The following COX10 variants were observed in gnomAD, a reference collection of about 807,000 sequenced individuals.
The protein encoded by COX10 is protoheme IX farnesyltransferase, mitochondrial.
A neutral mutation model predicts 37.3 loss-of-function variants in COX10; 27 were observed. That is an observed-to-expected ratio of 0.72 (90% CI 0.53 to 1.00). The LOEUF (loss-of-function observed/expected upper bound fraction) is 1.00. Among genes scored for constraint, COX10 ranks in the 50% least tolerant of loss-of-function variants. COX10 has a pLI of 0.00. For missense variants in COX10, 475 were observed against 563.2 expected, an observed-to-expected ratio of 0.84 and a Z score of 1.59; for synonymous variants, 222 against 229.1, an observed-to-expected ratio of 0.97 and a Z score of 0.28.
At chr17:14,096,041 C>G (rs1597498731) in intron 3 of COX10, among the ~76,000 whole-genome samples, 1 of 152,190 alleles carries the variant, frequency 6.6e-6, no homozygotes, top group East Asian at 1.9e-4. Context: ...TGAGGGTCTT[C>G]TTGACAGTGA....
chr17:14,179,526 A>G (rs1446164495), intron 5 of COX10, among the ~76,000 whole-genome samples: 2 of 152,220 alleles, frequency 1.3e-5, no homozygotes, highest in Non-Finnish European at 2.9e-5. Context: ...TGCTTAACAG[A>G]CAGCATAAGG....
intron 5 of COX10, among the ~76,000 whole-genome samples, chr17:14,185,823 C>CA (rs1291071134): frequency 6.7e-6 from 1 of 149,294 alleles, no homozygotes; most frequent in Non-Finnish European, 1.5e-5. Context: ...TAAAATGTGA[C>CA]AAAATAGTCC....
chr17:14,124,697 G>C (rs999386460), intron 4 of COX10, among the ~76,000 whole-genome samples: 1 of 152,164 alleles, frequency 6.6e-6, no homozygotes, highest in African/African-American at 2.4e-5. Flanking sequence ...AGATACCTCT[G>C]TGGAGTGTTT....
intron 1 of COX10, among the ~76,000 whole-genome samples, chr17:14,073,600 A>G (rs948267643): frequency 3.3e-5 from 5 of 152,204 alleles, no homozygotes; most frequent in Admixed American, 1.3e-4. Flanking sequence ...GGGAACATGG[A>G]TACCTTAAGG....
chr17:14,107,314 C>T (rs1407880724), intron 4 of COX10, among the ~76,000 whole-genome samples: 1 of 151,924 alleles, frequency 6.6e-6, no homozygotes, highest in African/African-American at 2.4e-5. Context: ...TTTAATTACT[C>T]GTGGATAGCT....
intron 4 of COX10, among the ~76,000 whole-genome samples, chr17:14,118,583 A>C (rs745783373): frequency 3.5e-4 from 53 of 152,178 alleles, no homozygotes; most frequent in Non-Finnish European, 4.9e-4. Context: ...ACTTGATGGC[A>C]GGAGGGTGGC....
chr17:14,191,975 T>G lies in COX10; in HGVS notation c.696-14T>G. The G allele has an allele frequency of 1.1e-5, 17 of 1,613,848 alleles. No homozygotes were observed. Among genetic ancestry groups the G allele is most frequent in the Non-Finnish European group, 1.4e-5 (17 of 1,179,696 alleles). ...TTGGAGATGATCACTCCAGGTTCTC[T>G]GCTCTTTTTCCAGCCCATTGCTAGC... On this transcript the variant is annotated splice_polypyrimidine_tract_variant and intron_variant, in intron 5 of 6. Transcript: ENST00000261643.
chr17:14,071,247 G>A (rs1826816786), intron 1 of COX10, among the ~76,000 whole-genome samples: 1 of 152,072 alleles, frequency 6.6e-6, no homozygotes, highest in Admixed American at 6.5e-5. Flanking sequence ...TCAGCTATAG[G>A]ACAATTCTGC....
chr17:14,155,729 A>T (rs1274091319), intron 4 of COX10, among the ~76,000 whole-genome samples: 1 of 151,702 alleles, frequency 6.6e-6, no homozygotes, highest in Non-Finnish European at 1.5e-5. Context: ...AAAAAAAGAA[A>T]AAAAAAGAAA....
intron 4 of COX10, 31 bp downstream of exon 4, chr17:14,102,273 T>TTTA: frequency 4.3e-6 from 7 of 1,613,090 alleles, no homozygotes; most frequent in African/African-American, 1.3e-5. Context: ...TAAATTATGT[T>TTTA]ATTGTCACTT....
At chr17:14,136,521 A>C (rs1328110491) in intron 4 of COX10, among the ~76,000 whole-genome samples, 2 of 152,052 alleles carry the variant, frequency 1.3e-5, no homozygotes, top group Non-Finnish European at 2.9e-5. Flanking sequence ...CTGATGTTTC[A>C]GGAAATTTCT....
Position 14,069,578 on chromosome 17 carries a change from C to A in COX10, c.-28C>A. 1 of 1,613,708 alleles carries A rather than the reference C, an allele frequency of 6.2e-7. No homozygotes were observed. The highest frequency in any genetic ancestry group is 8.5e-7 in the Non-Finnish European group (1 of 1,179,908). The stretch of plus-strand genomic sequence containing the variant: ...CGTGAGGAGAGAGGACACAGGGATC[C>A]CGGGGAGCGGCCCCAGACTCGTAAA... On this transcript the variant is annotated 5_prime_UTR_variant, in exon 1 of 7. Transcript: ENST00000261643.
At chr17:14,152,221 A>G (rs191805810) in intron 4 of COX10, among the ~76,000 whole-genome samples, 6 of 152,292 alleles carry the variant, frequency 3.9e-5, no homozygotes, top group East Asian at 1.9e-4. Context: ...CGATTGGGCA[A>G]TTTACAAAAG....
chr17:14,143,439 G>A (rs1036008364), intron 4 of COX10, among the ~76,000 whole-genome samples: 16 of 152,200 alleles, frequency 1.1e-4, no homozygotes, highest in African/African-American at 3.4e-4. Context: ...TCAGGATTGT[G>A]GAGAAAATGG....
In COX10 at chr17:14,175,214, T is replaced by A. The variant is rs1436918156; in HGVS notation, c.695+15267T>A. ...CACTATGTTTACCTTTTTTTTTTTT[T>A]AACTCAGAACTAACTGTACACTTGC... On this transcript the variant is annotated intron_variant, in intron 5 of 6. Coordinates refer to ENST00000261643, the MANE Select transcript of COX10 (RefSeq NM_001303.4). Among the ~76,000 whole-genome samples, 27 of 145,506 alleles carry A rather than the reference T, an allele frequency of 1.9e-4. 1 individual carries two copies. The highest frequency in any genetic ancestry group is 6.8e-4 in the African/African-American group (27 of 39,760).
Position 14,208,190 on chromosome 17 carries a change from A to T in COX10, c.*977A>T, listed in dbSNP as rs1906767321. The T allele has an allele frequency of 6.6e-6, 1 of 152,258 alleles. No individual in the cohort carries two copies. The highest frequency in any genetic ancestry group is 2.4e-5 in the African/African-American group (1 of 41,460). The allele number at this position is 152,258 out of a possible 1,614,324, so 9.4% of individuals were successfully genotyped here. A position where few individuals can be genotyped will look rare whatever the true frequency, so the allele number is the denominator to read the frequency against. Reference sequence around the variant, plus strand: ...CCATCCTGATATCTCCTGAATTCAGAAATTAGCCTCCACATGTGCAATGGC... The same window carrying T: ...CCATCCTGATATCTCCTGAATTCAGTAATTAGCCTCCACATGTGCAATGGC... On this transcript the variant is annotated 3_prime_UTR_variant, in exon 7 of 7. Transcript: ENST00000261643.
chr17:14,206,995 C>G lies in COX10; in HGVS notation c.1114C>G (p.Pro372Ala). Residue 372 changes from proline to alanine, a missense_variant, in exon 7 of 7, where the codon CCT (proline) becomes GCT (alanine). This residue lies in a region of COX10 where 160 missense variants were observed against 180.6 expected (regional missense o/e 0.89). Coordinates refer to ENST00000261643, the MANE Select transcript of COX10 (RefSeq NM_001303.4). Reference sequence around the variant, plus strand: ...CCTGCTCGTGCTGTCCGCAGCAGCCCCTGTGCTGGACATCACCACATGGAC... The same window carrying G: ...CCTGCTCGTGCTGTCCGCAGCAGCCGCTGTGCTGGACATCACCACATGGAC... The part of the protein sequence containing the change: ...LALLVLSAAA[P>A]VLDITTWTFP... The G allele has an allele frequency of 6.2e-7, 1 of 1,614,080 alleles. No homozygotes were observed. The highest frequency in any genetic ancestry group is 1.3e-5 in the African/African-American group (1 of 75,062).
intron 4 of COX10, among the ~76,000 whole-genome samples, chr17:14,150,309 T>G (rs1221067760): frequency 6.6e-6 from 1 of 151,618 alleles, no homozygotes; most frequent in Non-Finnish European, 1.5e-5. Flanking sequence ...GTGAAAAGAG[T>G]TCTAAAAGAT....
At chr17:14,131,064 A>T (rs1916454027) in intron 4 of COX10, among the ~76,000 whole-genome samples, 1 of 152,148 alleles carries the variant, frequency 6.6e-6, no homozygotes, top group African/African-American at 2.4e-5. Context: ...CACATGTAAA[A>T]GATTGAATTT....
Sources: allele counts gnomAD v4.1 joint callset (sites outside exome capture counted in the v4.1 genomes callset), GRCh38; gene constraint gnomAD v4.1.1; regional missense constraint gnomAD v4.1.1; transcripts MANE v1.5; gene names NCBI Gene and HGNC (gene_info 2026-07-23, HGNC 2026-07-21).